GPC6: variants seen among roughly 807,000 people sequenced by gnomAD.
The protein encoded by GPC6 is glypican 6.
Under a neutral mutation model 55.2 loss-of-function variants are expected in GPC6, and 14 were observed. The observed-to-expected ratio is 0.25, with a 90% CI of 0.17 to 0.40. The LOEUF (loss-of-function observed/expected upper bound fraction) is 0.40, where lower values mean the gene tolerates loss of function less well. Among genes scored for constraint, GPC6 ranks in the 10% least tolerant of loss-of-function variants. GPC6 has a pLI of 1.00. For synonymous variants in GPC6, 278 were observed against 259.6 expected (o/e 1.07, Z -0.68); for missense variants, 641 against 708.5 (o/e 0.90, Z 1.08).
chr13:93,312,506 G>A (rs1393295083), intron 1 of GPC6, among the ~76,000 whole-genome samples: 2 of 152,056 alleles, frequency 1.3e-5, no homozygotes, highest in Non-Finnish European at 2.9e-5. Flanking sequence ...TCAGTATCCT[G>A]CTTTCTTTTT....
intron 2 of GPC6, among the ~76,000 whole-genome samples, chr13:93,706,414 G>T (rs1001791623): frequency 6.6e-6 from 1 of 151,718 alleles, no homozygotes; most frequent in African/African-American, 2.4e-5. Flanking sequence ...TATACTACCT[G>T]TCGCCAACAT....
chr13:93,466,836 G>A lies in GPC6; in HGVS notation c.161-78427G>A, dbSNP rs1419208580. Among the ~76,000 whole-genome samples, 3 of 152,118 alleles carry A rather than the reference G, an allele frequency of 2.0e-5. No individual in the cohort carries two copies. In the East Asian group the frequency reaches 5.8e-4, roughly 29 times the overall value. On this transcript the variant is annotated intron_variant, in intron 1 of 8. Transcript: ENST00000377047. Reference sequence around the variant, plus strand: ...TGGATCTGATAACAGTAAATTTGCTGTCTCATCAGTTACAATCTGTTCTTC... The same window carrying A: ...TGGATCTGATAACAGTAAATTTGCTATCTCATCAGTTACAATCTGTTCTTC...
intron 1 of GPC6, among the ~76,000 whole-genome samples, chr13:93,379,591 A>G (rs563156959): frequency 6.6e-6 from 1 of 152,314 alleles, no homozygotes; most frequent in Non-Finnish European, 1.5e-5. Flanking sequence ...AATTTAGAGA[A>G]CCTAGAATTC....
chr13:94,076,960 G>GT (rs56870429), intron 4 of GPC6, among the ~76,000 whole-genome samples: 4,111 of 125,976 alleles, frequency 0.033, 63 homozygotes, highest in Admixed American at 0.034. Context: ...TGGTGCTTCT[G>GT]TTTTTTTTTT....
chr13:93,329,311 T>A (rs1417857320), intron 1 of GPC6, among the ~76,000 whole-genome samples: 1 of 152,180 alleles, frequency 6.6e-6, no homozygotes, highest in Non-Finnish European at 1.5e-5. Flanking sequence ...AGGCAACAGC[T>A]TGTAAAAGCC....
chr13:93,835,423 T>A (rs1343290601), intron 3 of GPC6, among the ~76,000 whole-genome samples: 1 of 151,870 alleles, frequency 6.6e-6, no homozygotes, highest in Non-Finnish European at 1.5e-5. Flanking sequence ...CCACTGCACT[T>A]CAGCCTGGGC....
At chr13:93,274,203 T>G (rs1387521556) in intron 1 of GPC6, among the ~76,000 whole-genome samples, 2 of 152,172 alleles carry the variant, frequency 1.3e-5, no homozygotes, top group African/African-American at 4.8e-5. Flanking sequence ...ATGTATTCAT[T>G]AATTCATTCA....
intron 1 of GPC6, among the ~76,000 whole-genome samples, chr13:93,432,982 GAA>G (rs1263311893): frequency 1.3e-5 from 2 of 151,358 alleles, no homozygotes; most frequent in African/African-American, 2.4e-5. Flanking sequence ...AGAAAGGAAA[GAA>G]GAGAGAAAAA....
intron 3 of GPC6, among the ~76,000 whole-genome samples, chr13:93,985,780 T>A (rs1314262065): frequency 6.6e-6 from 1 of 151,604 alleles, no homozygotes; most frequent in Non-Finnish European, 1.5e-5. Context: ...GCTTTCTGCT[T>A]GTATTGAATC....
At chr13:93,942,126 CT>C (rs1290897372) in intron 3 of GPC6, among the ~76,000 whole-genome samples, 1 of 152,128 alleles carries the variant, frequency 6.6e-6, no homozygotes, top group Non-Finnish European at 1.5e-5. Flanking sequence ...ATCTACTGCC[CT>C]AATTCATGGT....
intron 3 of GPC6, among the ~76,000 whole-genome samples, chr13:93,884,379 C>T (rs1242901488): frequency 1.3e-5 from 2 of 151,980 alleles, no homozygotes; most frequent in East Asian, 3.9e-4. Context: ...GTATCCTTAC[C>T]ATAATGCATT....
chr13:94,067,755 G>A (rs772882649), intron 4 of GPC6, among the ~76,000 whole-genome samples: 1 of 152,140 alleles, frequency 6.6e-6, no homozygotes, highest in Non-Finnish European at 1.5e-5. Flanking sequence ...TAGAGAGTAT[G>A]TTTATATGTT....
At chr13:93,241,257 C>T (rs1025965221) in intron 1 of GPC6, among the ~76,000 whole-genome samples, 1 of 152,192 alleles carries the variant, frequency 6.6e-6, no homozygotes, top group Non-Finnish European at 1.5e-5. Flanking sequence ...TTTTCTTCTT[C>T]TCCTTCAGGA....
intron 1 of GPC6, among the ~76,000 whole-genome samples, chr13:93,381,382 A>G (rs1875162783): frequency 6.6e-6 from 1 of 152,144 alleles, no homozygotes; most frequent in African/African-American, 2.4e-5. Flanking sequence ...GACATTCTAC[A>G]CTTTCAAAAA....
At chr13:93,321,032 A>AG (rs1879419565) in intron 1 of GPC6, among the ~76,000 whole-genome samples, 1 of 152,134 alleles carries the variant, frequency 6.6e-6, no homozygotes, top group African/African-American at 2.4e-5. Flanking sequence ...CTTGATTGTT[A>AG]ATTTCCAGGT....
Position 93,312,996 on chromosome 13 carries a change from T to C in GPC6, c.160+85380T>C, listed in dbSNP as rs144838669. On this transcript the variant is annotated intron_variant, in intron 1 of 8. Transcript: ENST00000377047. ...GATATTAGAGACATAACCATTTTCA[T>C]ATTTAATAGAGAAGCAATGTGTTCT... 1.5e-4 allele frequency among the ~76,000 whole-genome samples: 23 copies of C among 152,332 alleles called. No individual in the cohort carries two copies. In the East Asian group the frequency reaches 1.7e-3, roughly 11 times the overall value.
intron 2 of GPC6, among the ~76,000 whole-genome samples, chr13:93,660,589 G>A (rs1034367653): frequency 1.3e-5 from 2 of 152,164 alleles, no homozygotes; most frequent in African/African-American, 4.8e-5. Context: ...GAGTCAATCT[G>A]TTTGTCCAAT....
chr13:93,671,200 T>A (rs1420043440), intron 2 of GPC6, among the ~76,000 whole-genome samples: 2 of 152,140 alleles, frequency 1.3e-5, no homozygotes, highest in Non-Finnish European at 2.9e-5. Context: ...ACACAAATGG[T>A]GCCTTTTCTG....
intron 3 of GPC6, among the ~76,000 whole-genome samples, chr13:93,988,621 A>C (rs1277247505): frequency 2.0e-5 from 3 of 152,024 alleles, no homozygotes; most frequent in Non-Finnish European, 4.4e-5. Context: ...ATATGGCGGA[A>C]GGGGGAGCAA....
Sources: gnomAD v4.1 joint callset for allele counts (sites outside exome capture counted in the v4.1 genomes callset) on GRCh38, gnomAD v4.1.1 for gene constraint, MANE v1.5 for transcripts, NCBI Gene and HGNC (gene_info 2026-07-23, HGNC 2026-07-21) for gene names.